The following CLSTN2 variants were observed in gnomAD, a reference collection of about 807,000 sequenced individuals.
CLSTN2 encodes calsyntenin 2.
Under a neutral mutation model 101.2 loss-of-function variants are expected in CLSTN2, and 48 were observed. The ratio of observed to expected loss-of-function variants is 0.47; its 90% CI spans 0.38 to 0.60. The LOEUF (loss-of-function observed/expected upper bound fraction) is 0.60, where lower values mean the gene tolerates loss of function less well. Ranked by LOEUF, CLSTN2 falls within the 20% of genes least tolerant of loss-of-function variation. The pLI is 0.00. For synonymous variants in CLSTN2, 481 were observed against 463.6 expected (o/e 1.04, Z -0.48); for missense variants, 1,160 against 1,238.2 (o/e 0.94, Z 0.95).
chr3:140,226,670 G>A (rs1200767972), intron 2 of CLSTN2, among the ~76,000 whole-genome samples: 1 of 152,056 alleles, frequency 6.6e-6, no homozygotes, highest in Non-Finnish European at 1.5e-5. Flanking sequence ...ATGCAGTGCT[G>A]GTGTATTAGT....
At chr3:140,427,251 A>G (rs1323384708) in intron 5 of CLSTN2, among the ~76,000 whole-genome samples, 11 of 142,978 alleles carry the variant, frequency 7.7e-5, no homozygotes, top group African/African-American at 3.0e-4. Flanking sequence ...ATATACATAT[A>G]TATATACATA....
intron 1 of CLSTN2, among the ~76,000 whole-genome samples, chr3:139,999,272 A>G (rs1366766108): frequency 1.4e-5 from 2 of 147,172 alleles, no homozygotes; most frequent in African/African-American, 2.5e-5. Context: ...CTCCCTTTCC[A>G]GTAGTCTGCA....
chr3:140,502,532 TTTTG>T (rs895251487), intron 8 of CLSTN2, among the ~76,000 whole-genome samples: 1 of 152,210 alleles, frequency 6.6e-6, no homozygotes, highest in African/African-American at 2.4e-5. Flanking sequence ...AAGATGAGCT[TTTTG>T]TTTGTTTGTC....
At chr3:140,078,228 T>G (rs1170725660) in intron 1 of CLSTN2, among the ~76,000 whole-genome samples, 1 of 152,178 alleles carries the variant, frequency 6.6e-6, no homozygotes, top group Non-Finnish European at 1.5e-5. Flanking sequence ...TAACCTTTCA[T>G]TGGTGCTTGA....
chr3:140,434,534 G>A (rs1056657133), intron 5 of CLSTN2, among the ~76,000 whole-genome samples: 1 of 152,214 alleles, frequency 6.6e-6, no homozygotes, highest in African/African-American at 2.4e-5. Context: ...GGGTCTGTGA[G>A]AACAGAGGTA....
chr3:139,980,815 C>T (rs1935901738), intron 1 of CLSTN2, among the ~76,000 whole-genome samples: 1 of 152,168 alleles, frequency 6.6e-6, no homozygotes, highest in African/African-American at 2.4e-5. Context: ...CAGAGCACTT[C>T]CAGGCACTAC....
At chr3:140,130,568 A>G (rs1184084109) in intron 1 of CLSTN2, among the ~76,000 whole-genome samples, 2 of 152,160 alleles carry the variant, frequency 1.3e-5, no homozygotes, top group Non-Finnish European at 2.9e-5. Flanking sequence ...GCAGGGAAAG[A>G]TGCAAATACA....
At chr3:139,937,345 T>C (rs1163959356) in intron 1 of CLSTN2, among the ~76,000 whole-genome samples, 1 of 151,890 alleles carries the variant, frequency 6.6e-6, no homozygotes, top group Non-Finnish European at 1.5e-5. Context: ...AAAAGGAAAA[T>C]AAAAACCCCA....
intron 5 of CLSTN2, among the ~76,000 whole-genome samples, chr3:140,423,971 G>A (rs993909675): frequency 2.6e-5 from 4 of 152,218 alleles, no homozygotes; most frequent in African/African-American, 9.6e-5. Context: ...TTGTTCAGGT[G>A]TGCTCTCATG....
At chr3:140,318,501 G>A (rs988886512) in intron 2 of CLSTN2, among the ~76,000 whole-genome samples, 21 of 152,294 alleles carry the variant, frequency 1.4e-4, no homozygotes, top group East Asian at 1.9e-4. Context: ...AGCCCCTCTC[G>A]TATGTCTATG....
intron 1 of CLSTN2, among the ~76,000 whole-genome samples, chr3:140,126,960 C>T (rs914920477): frequency 6.6e-6 from 1 of 151,104 alleles, no homozygotes; most frequent in African/African-American, 2.4e-5. Flanking sequence ...ATGTAATTAG[C>T]AAAATATTGA....
Position 140,117,541 on chromosome 3 carries a change from G to C in CLSTN2, c.110-58410G>C, listed in dbSNP as rs534943483. 2.6e-3 allele frequency among the ~76,000 whole-genome samples: 400 copies of C among 152,294 alleles called. 2 individuals are homozygous for C. Among genetic ancestry groups the C allele is most frequent in the Non-Finnish European group, 4.6e-4 (31 of 68,034 alleles). ...CATGACTGCTAGCCCTCATGGAAGGGAGCTAATTAAAAAGGTGGGTCGCCT... is the reference window on the plus strand; with the variant it reads ...CATGACTGCTAGCCCTCATGGAAGGCAGCTAATTAAAAAGGTGGGTCGCCT... On this transcript the variant is annotated intron_variant, in intron 1 of 16. Coordinates refer to ENST00000458420, the MANE Select transcript of CLSTN2 (RefSeq NM_022131.3).
intron 2 of CLSTN2, among the ~76,000 whole-genome samples, chr3:140,381,607 A>T (rs1469121997): frequency 6.6e-6 from 1 of 152,228 alleles, no homozygotes; most frequent in Non-Finnish European, 1.5e-5. Context: ...CTTACTGGCC[A>T]TACTGTTACC....
chr3:139,987,190 A>G (rs13099562), intron 1 of CLSTN2, among the ~76,000 whole-genome samples: 1 of 152,218 alleles, frequency 6.6e-6, no homozygotes, highest in South Asian at 2.1e-4. Context: ...TAACTTAAAA[A>G]GATAGTAAGG....
At chr3:140,490,619 T>C (rs1482899478) in intron 8 of CLSTN2, among the ~76,000 whole-genome samples, 1 of 126,288 alleles carries the variant, frequency 7.9e-6, no homozygotes, top group Admixed American at 8.0e-5. Flanking sequence ...AAAAAAAACA[T>C]GGCACATCCA....
chr3:140,345,245 C>CTTTTTTTTTTTTTTT (rs569774722), intron 2 of CLSTN2, among the ~76,000 whole-genome samples: 1 of 135,992 alleles, frequency 7.4e-6, no homozygotes. Flanking sequence ...TGGATATAGC[C>CTTTTTTTTTTTTTTT]TTTTTTTCTT....
At chr3:139,956,202 G>A (rs1474536486) in intron 1 of CLSTN2, among the ~76,000 whole-genome samples, 1 of 152,164 alleles carries the variant, frequency 6.6e-6, no homozygotes, top group Non-Finnish European at 1.5e-5. Flanking sequence ...GCCTATGCTG[G>A]TCATGTTGCT....
intron 1 of CLSTN2, among the ~76,000 whole-genome samples, chr3:140,057,206 A>G (rs2008114452): frequency 6.6e-6 from 1 of 152,236 alleles, no homozygotes; most frequent in African/African-American, 2.4e-5. Flanking sequence ...AATGACATGG[A>G]TGATCCAAAG....
intron 1 of CLSTN2, among the ~76,000 whole-genome samples, chr3:140,094,237 G>A (rs914390950): frequency 1.3e-5 from 2 of 152,178 alleles, no homozygotes; most frequent in Non-Finnish European, 2.9e-5. Context: ...GTGGGGTGGG[G>A]AGTAGGGTAA....
Sources: allele counts gnomAD v4.1 joint callset (sites outside exome capture counted in the v4.1 genomes callset), GRCh38; gene constraint gnomAD v4.1.1; transcripts MANE v1.5; gene names NCBI Gene and HGNC (gene_info 2026-07-23, HGNC 2026-07-21).